MYO18B: variants seen among roughly 807,000 people sequenced by gnomAD.
MYO18B encodes myosin XVIIIB.
A neutral mutation model predicts 273.0 loss-of-function variants in MYO18B; 204 were observed. The observed-to-expected ratio is 0.75, with a 90% CI of 0.67 to 0.84. The LOEUF is 0.84. MYO18B is among the 40% of genes least tolerant of loss of function. The pLI, the probability that MYO18B is intolerant of heterozygous loss-of-function variation, is 0.00. For missense variants in MYO18B, 3,212 were observed against 3,287.6 expected (o/e 0.98, Z 0.56); for synonymous variants, 1,330 against 1,305.7 (o/e 1.02, Z -0.40).
intron 39 of MYO18B, among the ~76,000 whole-genome samples, chr22:25,975,872 G>T (rs552265754): frequency 4.6e-5 from 7 of 152,146 alleles, no homozygotes; most frequent in East Asian, 1.9e-4. Flanking sequence ...TTATGCCAGG[G>T]CCCCCAAAGT....
rs1250288213 is a variant in MYO18B at position 25,898,363 on chromosome 22, G to C, written c.4725G>C (p.Lys1575Asn). The change falls in exon 29 of 44, where the codon AAG becomes AAC. Residue 1575 changes from lysine (K) to asparagine (N), a missense_variant. Transcript: ENST00000335473. ...DGAKKMAHQL[K>N]RKCHHLTCDL... ...CCAAGAAGATGGCTCACCAACTGAA[G>C]AGGAAGTGCCACCATCTTACCTGTG... is the stretch of plus-strand genomic sequence containing the variant. 6.2e-7 allele frequency: 1 copy of C among 1,613,948 alleles called. No individual in the cohort carries two copies. Among genetic ancestry groups the C allele is most frequent in the Admixed American group, 1.7e-5 (1 of 60,024 alleles).
At chr22:25,869,883 TTA>T (rs1302238108) in intron 22 of MYO18B, among the ~76,000 whole-genome samples, 1 of 152,216 alleles carries the variant, frequency 6.6e-6, no homozygotes, top group Non-Finnish European at 1.5e-5. Flanking sequence ...TCAAGATACT[TTA>T]TCCTGATAGG....
chr22:25,819,325 A>G (rs139346091), intron 12 of MYO18B, among the ~76,000 whole-genome samples: 50 of 152,282 alleles, frequency 3.3e-4, no homozygotes, highest in Admixed American at 6.5e-4. Context: ...AATTTCCTTT[A>G]TGACTTCTCC....
chr22:25,808,175 C>T lies in MYO18B; in HGVS notation c.2521+10078C>T, dbSNP rs886949862. ...AAGGATGAACTCTATGTCCTCTTTG[C>T]AGCAAGATACGATTTCTCTGTCTTG... On this transcript the variant is annotated intron_variant, in intron 12 of 43. Coordinates refer to ENST00000335473, the MANE Select transcript of MYO18B (RefSeq NM_032608.7). Among the ~76,000 whole-genome samples, 3 of 152,100 alleles carry T rather than the reference C, an allele frequency of 2.0e-5. No individual in the cohort carries two copies. In the South Asian group the frequency reaches 6.2e-4, roughly 32 times the overall value.
intron 1 of MYO18B, among the ~76,000 whole-genome samples, chr22:25,756,931 T>C (rs1453131825): frequency 6.6e-6 from 1 of 152,044 alleles, no homozygotes; most frequent in African/African-American, 2.4e-5. Context: ...CATGGTGGCA[T>C]GTGCCTGTAA....
chr22:25,905,055 TA>T (rs3216855), intron 31 of MYO18B, among the ~76,000 whole-genome samples: 1 of 151,588 alleles, frequency 6.6e-6, no homozygotes, highest in Non-Finnish European at 1.5e-5. Flanking sequence ...GTGTTTTTTT[TA>T]AAAAAAATGC....
At chr22:25,833,130 C>T (rs529369836) in intron 16 of MYO18B, 133 bp downstream of exon 16, 22 of 792,262 alleles carry the variant, frequency 2.8e-5, no homozygotes, top group East Asian at 5.2e-5. Context: ...TCATTGGCAA[C>T]GTGGATGCCT....
chr22:25,824,847 A>C (rs1363343833), intron 13 of MYO18B, among the ~76,000 whole-genome samples: 1 of 142,588 alleles, frequency 7.0e-6, no homozygotes, highest in East Asian at 2.6e-4. Flanking sequence ...CCATGTGTGC[A>C]TCACACATGA....
chr22:26,042,099 G>GC, the MYO18B span, among the ~76,000 whole-genome samples: 1 of 152,138 alleles, frequency 6.6e-6, no homozygotes, highest in Non-Finnish European at 1.5e-5. Context: ...AGAGTGATAG[G>GC]CCCCCAGGCA....
Position 26,004,758 on chromosome 22 carries a change from C to A in MYO18B, c.6373C>A (p.Leu2125Met). The A allele has an allele frequency of 1.2e-6, 2 of 1,613,924 alleles. No individual in the cohort carries two copies. Among genetic ancestry groups the A allele is most frequent in the Non-Finnish European group, 8.5e-7 (1 of 1,179,822 alleles). Residue 2125 changes from leucine (L) to methionine (M), a missense_variant, in exon 42 of 44, where the codon CTG becomes ATG. Transcript: ENST00000335473. ...CCTCAGCTCCCAGCCAGAGGGCAGC[C>A]TGCAGTCCTGGTTGAGCTGTACTCT... Reference protein sequence around the residue: ...SILSSQPEGSLQSWLSCTLSL... With the variant: ...SILSSQPEGSMQSWLSCTLSL...
At chr22:25,886,854 C>T (rs534844288) in intron 25 of MYO18B, among the ~76,000 whole-genome samples, 1 of 152,250 alleles carries the variant, frequency 6.6e-6, no homozygotes, top group South Asian at 2.1e-4. Context: ...GCAAATCACT[C>T]CCTCTCTCAA....
At chr22:25,761,889 C>T (rs1327768580) in intron 2 of MYO18B, among the ~76,000 whole-genome samples, 4 of 151,994 alleles carry the variant, frequency 2.6e-5, no homozygotes, top group Admixed American at 1.3e-4. Flanking sequence ...TTTGGGAGGC[C>T]GAAGCAGGTG....
chr22:25,869,485 G>A (rs1325823657), intron 22 of MYO18B, among the ~76,000 whole-genome samples: 1 of 148,288 alleles, frequency 6.7e-6, no homozygotes, highest in South Asian at 2.1e-4. Flanking sequence ...AAGGAAGGAA[G>A]GAAGGAAGGA....
chr22:25,847,380 T>G (rs1480700827), intron 19 of MYO18B, 50 bp from the exon 20 acceptor site: 1 of 1,482,864 alleles, frequency 6.7e-7, no homozygotes, highest in South Asian at 1.2e-5. Context: ...CAGTCCCCTT[T>G]CTGTGTCTCT....
At chr22:25,884,627 G>A (rs537738317) in intron 25 of MYO18B, 2 of 152,336 alleles carry the variant, frequency 1.3e-5, no homozygotes, top group Admixed American at 6.5e-5. Context: ...ATACAAAACC[G>A]AGTCCATAAT....
chr22:26,026,845 AG>A lies in MYO18B; in HGVS notation c.6875del (p.Gly2292AlafsTer12). Reference protein sequence around the residue: ...YQTTGASTLRRGRAGSDEGNL... With the variant: ...YQTTGASTLRXGRAGSDEGNL... ...GACGACTGGGGCCTCCACACTAAGG[AG>A]GGGCAGGGCTGGCAGTGACGAGGGA... On this transcript the variant is annotated frameshift_variant, in exon 43 of 44. Coordinates refer to ENST00000335473, the MANE Select transcript of MYO18B (RefSeq NM_032608.7). LOFTEE classifies it high-confidence loss of function. 1 of 1,594,018 alleles carries A rather than the reference AG, an allele frequency of 6.3e-7. No homozygotes were observed. Among genetic ancestry groups the A allele is most frequent in the Non-Finnish European group, 8.5e-7 (1 of 1,170,396 alleles).
At chr22:25,742,827 C>T (rs1410438659) in intron 1 of MYO18B, among the ~76,000 whole-genome samples, 1 of 152,204 alleles carries the variant, frequency 6.6e-6, no homozygotes, top group Non-Finnish European at 1.5e-5. Flanking sequence ...AATGGAAGTT[C>T]ATGGCTGAAG....
At chr22:25,743,243 A>G (rs928421328) in intron 1 of MYO18B, among the ~76,000 whole-genome samples, 1 of 152,254 alleles carries the variant, frequency 6.6e-6, no homozygotes, top group African/African-American at 2.4e-5. Flanking sequence ...ATGCTGCCTC[A>G]TTCAGTGCAC....
At chr22:25,774,587 A>G (rs1419525586) in intron 7 of MYO18B, among the ~76,000 whole-genome samples, 1 of 152,186 alleles carries the variant, frequency 6.6e-6, no homozygotes, top group African/African-American at 2.4e-5. Flanking sequence ...GGGGTGCGGC[A>G]CTGGTCCGCA....
Sources: allele counts gnomAD v4.1 joint callset (sites outside exome capture counted in the v4.1 genomes callset), GRCh38; gene constraint gnomAD v4.1.1; transcripts MANE v1.5; gene names NCBI Gene and HGNC (gene_info 2026-07-23, HGNC 2026-07-21).